QTGAL: variants seen among roughly 807,000 people sequenced by gnomAD.
QTGAL encodes the protein queuosine-tRNA galactosyltransferase.
At chr17:82,952,345 C>G in the QTGAL span, among the ~76,000 whole-genome samples, 3 of 152,174 alleles carry the variant, frequency 2.0e-5, no homozygotes, top group Non-Finnish European at 4.4e-5. Flanking sequence ...CTGGCTCACT[C>G]TATCAACCAC....
At chr17:82,955,991 C>T in the QTGAL span, among the ~76,000 whole-genome samples, 1 of 151,086 alleles carries the variant, frequency 6.6e-6, no homozygotes, top group Non-Finnish European at 1.5e-5. Flanking sequence ...CACACTGGGA[C>T]CTGTTGGAGG....
chr17:83,008,899 C>A, the QTGAL span, among the ~76,000 whole-genome samples: 1 of 152,182 alleles, frequency 6.6e-6, no homozygotes, highest in African/African-American at 2.4e-5. Context: ...GATCCCAGCC[C>A]GGCAGTCCAG....
chr17:82,973,341 G>A, the QTGAL span, among the ~76,000 whole-genome samples: 1 of 152,228 alleles, frequency 6.6e-6, no homozygotes, highest in African/African-American at 2.4e-5. Flanking sequence ...TAATTGATTA[G>A]AGCGAGGTAA....
the QTGAL span, among the ~76,000 whole-genome samples, chr17:83,022,176 TC>T: frequency 1.3e-5 from 2 of 152,268 alleles, no homozygotes; most frequent in African/African-American, 4.8e-5. Context: ...ATCTTATTTT[TC>T]TTTAAGTGAT....
the QTGAL span, among the ~76,000 whole-genome samples, chr17:82,996,508 C>T: frequency 4.5e-5 from 6 of 134,390 alleles, no homozygotes; most frequent in Non-Finnish European, 6.2e-5. Context: ...GATGACAGAG[C>T]GAGACTCTGC....
At chr17:83,009,606 C>T in the QTGAL span, among the ~76,000 whole-genome samples, 1 of 152,186 alleles carries the variant, frequency 6.6e-6, no homozygotes, top group Admixed American at 6.5e-5. Flanking sequence ...GGATTCGCCA[C>T]AGAGGCCGAG....
At chr17:82,947,073 G>GACACAGGCCACCC in the QTGAL span, 1 of 1,144,408 alleles carries the variant, frequency 8.7e-7, no homozygotes, top group Non-Finnish European at 1.3e-6. Context: ...GTTGGGGGTG[G>GACACAGGCCACCC]CCTGTGTCCA....
the QTGAL span, among the ~76,000 whole-genome samples, chr17:83,004,631 TCCGCA>T: frequency 7.3e-6 from 1 of 136,248 alleles, no homozygotes; most frequent in Non-Finnish European, 1.6e-5. Flanking sequence ...CCTCCCACCC[TCCGCA>T]CTCCGCGTGT....
the QTGAL span, among the ~76,000 whole-genome samples, chr17:82,988,275 A>G: frequency 9.9e-5 from 15 of 152,218 alleles, no homozygotes; most frequent in African/African-American, 3.6e-4. Context: ...CCTGTTTAAT[A>G]AATGGTGCAG....
the QTGAL span, among the ~76,000 whole-genome samples, chr17:82,968,824 ACC>A: frequency 6.6e-6 from 1 of 151,930 alleles, no homozygotes; most frequent in Admixed American, 6.6e-5. Flanking sequence ...ACATGGAGAA[ACC>A]CCGTCTTTAC....
the QTGAL span, among the ~76,000 whole-genome samples, chr17:82,987,044 T>C: frequency 1.3e-5 from 2 of 152,216 alleles, no homozygotes; most frequent in Non-Finnish European, 2.9e-5. Context: ...ATCCAGGATG[T>C]TGAAATCCTG....
the QTGAL span, among the ~76,000 whole-genome samples, chr17:83,051,292 AGGAGCGAGGCG>A: frequency 1.2e-5 from 1 of 80,960 alleles, no homozygotes. Flanking sequence ...GCAGGTGCGC[AGGAGCGAGGCG>A]GGAGCGAGGC....
chr17:82,980,472 T>C, the QTGAL span, among the ~76,000 whole-genome samples: 6 of 152,168 alleles, frequency 3.9e-5, no homozygotes, highest in Non-Finnish European at 5.9e-5. Flanking sequence ...ACCCCTTCTC[T>C]TCAACTTCCA....
the QTGAL span, chr17:83,005,582 A>C: frequency 1.4e-6 from 1 of 702,832 alleles, no homozygotes; most frequent in South Asian, 1.5e-5. This position sits in a 1 kb window ranked among gnomAD's most constrained non-coding sequence, Gnocchi z 5.6. Context: ...CACTTCTTGA[A>C]TCACATGCAA....
At chr17:83,046,059 G>T in the QTGAL span, among the ~76,000 whole-genome samples, 1 of 152,074 alleles carries the variant, frequency 6.6e-6, no homozygotes, top group Non-Finnish European at 1.5e-5. Context: ...CCTGACCTCT[G>T]GTGATCCACC....
At chr17:83,039,319 C>CAGAT in the QTGAL span, among the ~76,000 whole-genome samples, 19 of 58,918 alleles carry the variant, frequency 3.2e-4, no homozygotes, top group East Asian at 6.2e-4. Flanking sequence ...AGACACACTG[C>CAGAT]TGGGCGCCCG....
chr17:83,009,922 TTG>T, the QTGAL span, among the ~76,000 whole-genome samples: 19,771 of 148,498 alleles, frequency 0.13, 1,613 homozygotes, highest in Admixed American at 0.19. Flanking sequence ...AGTGAACGAC[TTG>T]CCGTCCACTG....
At chr17:83,005,734 G>A in the QTGAL span, 1 of 767,008 alleles carries the variant, frequency 1.3e-6, no homozygotes, top group Non-Finnish European at 2.2e-6. The surrounding 1 kb of genome is among the most constrained non-coding windows in gnomAD (Gnocchi z 5.6). Flanking sequence ...CTCTCCCCGG[G>A]CATCCAGGCC....
chr17:82,960,102 G>A, the QTGAL span, among the ~76,000 whole-genome samples: 7 of 152,196 alleles, frequency 4.6e-5, no homozygotes, highest in South Asian at 1.0e-3. Flanking sequence ...CCAAGGTGCC[G>A]GTGGGCATAA....
Sources: gnomAD v4.1 joint callset for allele counts (sites outside exome capture counted in the v4.1 genomes callset) on GRCh38, gnomAD v4.1.1 for gene constraint, Gnocchi (gnomAD v3.1) non-coding constraint, MANE v1.5 for transcripts, NCBI Gene and HGNC (gene_info 2026-07-23, HGNC 2026-07-21) for gene names.